Variants in SRPK2 observed in about 807,000 individuals in gnomAD.
SRPK2 encodes the protein SFRS protein kinase 2.
Under a neutral mutation model 90.8 loss-of-function variants are expected in SRPK2, and 21 were observed. That is an observed-to-expected ratio of 0.23 (90% confidence interval 0.16 to 0.33). The LOEUF (loss-of-function observed/expected upper bound fraction) is 0.33. Ranked by LOEUF, SRPK2 falls within the 10% of genes least tolerant of loss-of-function variation. SRPK2 has a pLI of 1.00. For missense variants in SRPK2, 620 were observed against 869.0 expected, an observed-to-expected ratio of 0.71 and a Z score of 3.60; for synonymous variants, 288 against 311.1, an observed-to-expected ratio of 0.93 and a Z score of 0.78.
rs923535237 is a variant in SRPK2 at position 105,388,750 on chromosome 7, T to C, written c.16+41A>G. 5.2e-6 allele frequency: 8 copies of C among 1,538,850 alleles called. No individual in the cohort carries two copies. The African/African-American group carries it at 1.2e-4, about 22-fold the overall frequency. ...TAACGGTCGGGCCGCCCGCCCGGGC[T>C]GGCCGCGTGGCGGGGAGAGGGCGCG... On this transcript the variant is annotated intron_variant, in intron 1 of 15. Coordinates refer to ENST00000393651, the MANE Select transcript of SRPK2 (RefSeq NM_182692.3).
At chr7:105,195,151 G>A (rs1244828537) in intron 3 of SRPK2, among the ~76,000 whole-genome samples, 1 of 152,224 alleles carries the variant, frequency 6.6e-6, no homozygotes, top group African/African-American at 2.4e-5. Context: ...CCACGTTGAA[G>A]TGATTCTCCT....
At chr7:105,206,142 C>T (rs913201492) in intron 2 of SRPK2, among the ~76,000 whole-genome samples, 2 of 152,092 alleles carry the variant, frequency 1.3e-5, no homozygotes, top group Non-Finnish European at 2.9e-5. Context: ...TAGCACACAG[C>T]CCCCCACCCC....
At chr7:105,263,599 T>A (rs1033481148) in intron 2 of SRPK2, among the ~76,000 whole-genome samples, 2 of 152,064 alleles carry the variant, frequency 1.3e-5, no homozygotes, top group African/African-American at 4.8e-5. Context: ...ATGCAAAAAA[T>A]TGAATCTCAA....
intron 3 of SRPK2, among the ~76,000 whole-genome samples, chr7:105,192,315 G>C (rs1053095536): frequency 7.9e-5 from 12 of 151,998 alleles, no homozygotes; most frequent in Non-Finnish European, 1.3e-4. Flanking sequence ...AGGATGTCTG[G>C]TCTTCCATTC....
In SRPK2 at chr7:105,142,314, C is replaced by A. The variant is rs146511776; in HGVS notation, c.1237G>T (p.Asp413Tyr). 1.9e-6 allele frequency: 3 copies of A among 1,614,072 alleles called. No individual in the cohort carries two copies. The African/African-American group carries it at 4.0e-5, about 22-fold the overall frequency. Residue 413 changes from aspartate (D) to tyrosine (Y), a missense_variant, in exon 11 of 16, where the codon GAT becomes TAT. Physicochemically the swap from Asp to Tyr is radical, Grantham distance 160. Transcript: ENST00000393651. ...FSLEQQLDDE[D>Y]DDEEDCPNPE... Reference sequence around the variant, plus strand: ...TTTGGGCAGTCTTCTTCATCATCATCTTCATCGTCCAGTTGCTGCTCCAGT... The same window carrying A: ...TTTGGGCAGTCTTCTTCATCATCATATTCATCGTCCAGTTGCTGCTCCAGT...
intron 2 of SRPK2, among the ~76,000 whole-genome samples, chr7:105,238,453 A>G (rs1800399120): frequency 6.6e-6 from 1 of 152,210 alleles, no homozygotes; most frequent in Non-Finnish European, 1.5e-5. Context: ...GTGACTCTCC[A>G]AAGAAGTCTC....
intron 2 of SRPK2, among the ~76,000 whole-genome samples, chr7:105,303,908 C>T (rs181552172): frequency 2.8e-4 from 42 of 152,258 alleles, no homozygotes; most frequent in Middle Eastern, 3.4e-3. Flanking sequence ...CAGTTACAAC[C>T]TGTTCACTGT....
chr7:105,244,226 G>C (rs1314995907), intron 2 of SRPK2, among the ~76,000 whole-genome samples: 1 of 152,194 alleles, frequency 6.6e-6, no homozygotes, highest in East Asian at 1.9e-4. Flanking sequence ...ACATTTGCAA[G>C]GCTGTTCAGA....
In SRPK2 at chr7:105,326,819, TGGCAGGTGGA is replaced by T. The variant is rs1298366534; in HGVS notation, c.71+61819_71+61828del. 2.0e-5 allele frequency among the ~76,000 whole-genome samples: 3 copies of T among 152,258 alleles called. 1 individual carries two copies. The highest frequency in any genetic ancestry group is 4.8e-5 in the African/African-American group (2 of 41,540). ...GCTCACGCCTGTAATCCCAGCACTTTGGCAGGTGGAGGCAGGTGGATCACCTGAGGTCAGG... is the reference window on the plus strand; with the variant it reads ...GCTCACGCCTGTAATCCCAGCACTTTGGCAGGTGGATCACCTGAGGTCAGG... On this transcript the variant is annotated intron_variant, in intron 2 of 15. Transcript: ENST00000393651.
intron 2 of SRPK2, among the ~76,000 whole-genome samples, chr7:105,280,665 GGGC>G (rs1356048323): frequency 6.7e-6 from 1 of 148,814 alleles, no homozygotes; most frequent in Non-Finnish European, 1.5e-5. Context: ...AAGGGGGGGG[GGGC>G]CGGGCACAGT....
chr7:105,327,105 G>C (rs1220558343), intron 2 of SRPK2, among the ~76,000 whole-genome samples: 1 of 150,114 alleles, frequency 6.7e-6, no homozygotes. Flanking sequence ...ATAAGCAAAA[G>C]AGCCCCGATA....
intron 3 of SRPK2, among the ~76,000 whole-genome samples, chr7:105,176,150 G>C (rs952624763): frequency 1.3e-5 from 2 of 152,098 alleles, no homozygotes; most frequent in African/African-American, 4.8e-5. Context: ...GTTTATTCCA[G>C]GAACACAAAC....
At chr7:105,130,747 T>A (rs1035478444) in intron 13 of SRPK2, among the ~76,000 whole-genome samples, 2 of 149,444 alleles carry the variant, frequency 1.3e-5, no homozygotes, top group African/African-American at 4.9e-5. Flanking sequence ...AAGAAACCTC[T>A]AAAGCCATGA....
chr7:105,351,205 CT>C (rs375479311), intron 2 of SRPK2, among the ~76,000 whole-genome samples: 60 of 152,178 alleles, frequency 3.9e-4, no homozygotes, highest in East Asian at 1.7e-3. Flanking sequence ...ACTCAGCCCC[CT>C]AACCATGTGA....
At chr7:105,243,630 CAAA>C (rs767760238) in intron 2 of SRPK2, among the ~76,000 whole-genome samples, 278 of 55,586 alleles carry the variant, frequency 5.0e-3, no homozygotes, top group African/African-American at 0.012. Flanking sequence ...GACTCCATCT[CAAA>C]AAAAAAAAAA....
intron 3 of SRPK2, chr7:105,189,270 C>G (rs572735541): frequency 6.5e-6 from 1 of 153,902 alleles, no homozygotes; most frequent in South Asian, 2.0e-4. Flanking sequence ...GAGGATAAAT[C>G]AAGGCCCTAA....
intron 6 of SRPK2, among the ~76,000 whole-genome samples, chr7:105,167,020 G>A (rs1790156921): frequency 6.6e-6 from 1 of 152,174 alleles, no homozygotes; most frequent in African/African-American, 2.4e-5. Context: ...CACACAGATT[G>A]TCCTTATGCA....
intron 2 of SRPK2, among the ~76,000 whole-genome samples, chr7:105,357,133 T>A (rs1563280549): frequency 6.6e-6 from 1 of 151,392 alleles, no homozygotes; most frequent in Non-Finnish European, 1.5e-5. Context: ...GCCTCCCAGG[T>A]TCATGCCATT....
chr7:105,115,288 C>T (rs545024728), downstream of SRPK2: 10 of 152,302 alleles, frequency 6.6e-5, no homozygotes, highest in East Asian at 7.7e-4. Flanking sequence ...CTTACTTTAT[C>T]GTGGTAACTA....
Sources: allele counts gnomAD v4.1 joint callset (sites outside exome capture counted in the v4.1 genomes callset), GRCh38; gene constraint gnomAD v4.1.1; transcripts MANE v1.5; gene names NCBI Gene and HGNC (gene_info 2026-07-23, HGNC 2026-07-21).